CTNNA3: variants seen among roughly 807,000 people sequenced by gnomAD.
CTNNA3 encodes the protein catenin alpha 3.
A neutral mutation model predicts 95.7 loss-of-function variants in CTNNA3; 76 were observed. The ratio of observed to expected loss-of-function variants is 0.79; its 90% CI spans 0.66 to 0.96. The LOEUF is 0.96. Ranked by LOEUF, CTNNA3 falls within the 40% of genes least tolerant of loss-of-function variation. CTNNA3 has a pLI of 0.00. For missense variants in CTNNA3, 1,191 were observed against 1,089.8 expected (o/e 1.09, Z -1.31); for synonymous variants, 431 against 374.4 (o/e 1.15, Z -1.74).
Position 66,766,352 on chromosome 10 carries a change from A to G in CTNNA3, c.1193T>C (p.Val398Ala). The change falls in exon 9 of 18, where the codon GTT becomes GCT. Residue 398 changes from valine (V) to alanine (A), a missense_variant. Val to Ala is a moderately conservative substitution (Grantham distance 64). Coordinates refer to ENST00000433211, the MANE Select transcript of CTNNA3 (RefSeq NM_013266.4). ...SFLDTTVPLL[V>A]LIEAAKNGRE... ...GCCATTCTTAGCAGCTTCAATGAGAACCAAAAGAGGGACTGTCGTATCCAG... is the reference window on the plus strand; with the variant it reads ...GCCATTCTTAGCAGCTTCAATGAGAGCCAAAAGAGGGACTGTCGTATCCAG... 1 of 1,613,746 alleles carries G rather than the reference A, an allele frequency of 6.2e-7. No individual in the cohort carries two copies. Among genetic ancestry groups the G allele is most frequent in the Non-Finnish European group, 8.5e-7 (1 of 1,179,790 alleles).
intron 2 of CTNNA3, among the ~76,000 whole-genome samples, chr10:67,645,773 T>TA (rs1273775142): frequency 1.3e-5 from 2 of 151,696 alleles, no homozygotes; most frequent in Admixed American, 1.3e-4. Flanking sequence ...GAGGCTACTT[T>TA]AAAAAAACTG....
rs181750936 is a variant in CTNNA3, at chr10:67,126,445, T to G, written c.1047+53872A>C. On this transcript the variant is annotated intron_variant, in intron 7 of 17. Coordinates refer to ENST00000433211, the MANE Select transcript of CTNNA3 (RefSeq NM_013266.4). ...GGGAGACTGAGGCGGGAGAATCGCT[T>G]GATCCCGGGAGGCGGAGCCAAGATT... Among the ~76,000 whole-genome samples the G allele has an allele frequency of 4.4e-3, 666 of 152,216 alleles. 5 individuals are homozygous for G. The highest frequency in any genetic ancestry group is 0.015 in the African/African-American group (630 of 41,560).
chr10:66,084,201 G>T (rs1368125491), intron 14 of CTNNA3, among the ~76,000 whole-genome samples: 1 of 146,850 alleles, frequency 6.8e-6, no homozygotes, highest in East Asian at 2.0e-4. Flanking sequence ...AAATGATAGT[G>T]AGTTTGCAGA....
intron 17 of CTNNA3, among the ~76,000 whole-genome samples, chr10:65,946,506 T>C (rs1402124069): frequency 6.6e-6 from 1 of 152,178 alleles, no homozygotes; most frequent in African/African-American, 2.4e-5. Context: ...GATCTCTACT[T>C]ACACTACTTC....
chr10:67,508,838 C>A (rs917391723), intron 5 of CTNNA3, among the ~76,000 whole-genome samples: 6 of 151,624 alleles, frequency 4.0e-5, no homozygotes, highest in Non-Finnish European at 5.9e-5. Flanking sequence ...AAATGACCCA[C>A]AAATAACCTA....
At chr10:66,715,433 T>C (rs1249264853) in intron 9 of CTNNA3, among the ~76,000 whole-genome samples, 2 of 152,090 alleles carry the variant, frequency 1.3e-5, no homozygotes, top group Non-Finnish European at 1.5e-5. Flanking sequence ...AGCCCACTCC[T>C]AGATATGCAG....
chr10:66,226,957 G>A (rs1358317841), intron 13 of CTNNA3, among the ~76,000 whole-genome samples: 1 of 151,536 alleles, frequency 6.6e-6, no homozygotes, highest in African/African-American at 2.4e-5. Flanking sequence ...TTTTTTTGGT[G>A]GAGTCTAGAT....
At chr10:66,253,870 G>A (rs899137166) in intron 13 of CTNNA3, among the ~76,000 whole-genome samples, 5 of 152,144 alleles carry the variant, frequency 3.3e-5, no homozygotes, top group East Asian at 1.9e-4. Context: ...GCATATTCCA[G>A]GGACTATGCG....
At chr10:67,459,403 G>A (rs1260218261) in intron 5 of CTNNA3, among the ~76,000 whole-genome samples, 3 of 152,194 alleles carry the variant, frequency 2.0e-5, no homozygotes, top group Non-Finnish European at 4.4e-5. Context: ...TGCCCACGTG[G>A]TCAGCCACCA....
chr10:67,190,468 T>C lies in CTNNA3; in HGVS notation c.844-9948A>G, dbSNP rs140025664. ...GATGAGACAAGAACCCAAACTGGGGTAGTAAAGTTTTAATTTTTTAATAAC... is the reference window on the plus strand; with the variant it reads ...GATGAGACAAGAACCCAAACTGGGGCAGTAAAGTTTTAATTTTTTAATAAC... On this transcript the variant is annotated intron_variant, in intron 6 of 17. Coordinates refer to ENST00000433211, the MANE Select transcript of CTNNA3 (RefSeq NM_013266.4). Among the ~76,000 whole-genome samples, 7 of 151,946 alleles carry C rather than the reference T, an allele frequency of 4.6e-5. No homozygotes were observed. The East Asian group carries it at 1.2e-3, about 25-fold the overall frequency.
chr10:66,915,289 A>G (rs992087410), intron 7 of CTNNA3, among the ~76,000 whole-genome samples: 4 of 152,130 alleles, frequency 2.6e-5, no homozygotes, highest in African/African-American at 9.7e-5. Context: ...AATAGATCAT[A>G]CACAAAGAAA....
Position 66,103,260 on chromosome 10 carries a change from A to G in CTNNA3, c.1885-11T>C, listed in dbSNP as rs2081725886. On this transcript the variant is annotated splice_polypyrimidine_tract_variant and intron_variant, in intron 13 of 17. Transcript: ENST00000433211. ...CAGTTCCTCTGGGGTCTATAAAAAG[A>G]AAGCAAAACATTGCTAGTGGGAATG... The G allele has an allele frequency of 6.2e-7, 1 of 1,602,876 alleles. No individual in the cohort carries two copies. The highest frequency in any genetic ancestry group is 2.2e-5 in the East Asian group (1 of 44,836).
intron 1 of CTNNA3, among the ~76,000 whole-genome samples, chr10:67,652,274 T>C (rs1001158093): frequency 1.3e-5 from 2 of 152,222 alleles, no homozygotes; most frequent in African/African-American, 2.4e-5. Context: ...TTTCAACACA[T>C]GGATTTGCAG....
chr10:66,282,631 T>A (rs776874655), intron 12 of CTNNA3, among the ~76,000 whole-genome samples: 1 of 151,828 alleles, frequency 6.6e-6, no homozygotes, highest in Non-Finnish European at 1.5e-5. Context: ...ACTATTTCCA[T>A]CCACAGCATA....
At chr10:65,988,289 C>T (rs1437004429) in intron 16 of CTNNA3, among the ~76,000 whole-genome samples, 3 of 151,840 alleles carry the variant, frequency 2.0e-5, no homozygotes, top group East Asian at 1.9e-4. Flanking sequence ...ATGTACTCTA[C>T]AAAGGCAATT....
intron 7 of CTNNA3, among the ~76,000 whole-genome samples, chr10:67,059,170 A>G (rs1015821884): frequency 2.0e-5 from 3 of 152,176 alleles, no homozygotes; most frequent in African/African-American, 4.8e-5. Flanking sequence ...ACAAGGTAAC[A>G]TAACATCCAC....
intron 7 of CTNNA3, among the ~76,000 whole-genome samples, chr10:67,139,928 T>C (rs1199413807): frequency 6.6e-6 from 1 of 152,196 alleles, no homozygotes; most frequent in Non-Finnish European, 1.5e-5. Flanking sequence ...AGTATTAATG[T>C]TTCCTAATGA....
chr10:67,384,739 A>C (rs540083065), intron 5 of CTNNA3, among the ~76,000 whole-genome samples: 1 of 152,342 alleles, frequency 6.6e-6, no homozygotes, highest in Non-Finnish European at 1.5e-5. Flanking sequence ...TTAGAGAAAA[A>C]GCTTTCTGAG....
At chr10:65,923,890 A>G (rs1457564283) in intron 17 of CTNNA3, among the ~76,000 whole-genome samples, 1 of 152,194 alleles carries the variant, frequency 6.6e-6, no homozygotes, top group African/African-American at 2.4e-5. Context: ...GTCAAAAAGC[A>G]TCTATAAGAT....
Sources: gnomAD v4.1 joint callset for allele counts (sites outside exome capture counted in the v4.1 genomes callset) on GRCh38, gnomAD v4.1.1 for gene constraint, MANE v1.5 for transcripts, NCBI Gene and HGNC (gene_info 2026-07-23, HGNC 2026-07-21) for gene names.